Variants in KIF26B observed in about 807,000 individuals in gnomAD.
KIF26B encodes kinesin family member 26B.
A neutral mutation model predicts 151.2 loss-of-function variants in KIF26B; 63 were observed. That is an observed-to-expected ratio of 0.42 (90% CI 0.34 to 0.51). The LOEUF (loss-of-function observed/expected upper bound fraction) is 0.51. Among genes scored for constraint, KIF26B ranks in the 20% least tolerant of loss-of-function variants. The pLI, the probability that KIF26B is intolerant of heterozygous loss-of-function variation, is 0.07. For missense variants in KIF26B, 2,813 were observed against 2,913.6 expected (o/e 0.97, Z 0.79); for synonymous variants, 1,357 against 1,262.1 (o/e 1.08, Z -1.59).
At chr1:245,332,043 T>C (rs992844768) in intron 2 of KIF26B, among the ~76,000 whole-genome samples, 1 of 152,124 alleles carries the variant, frequency 6.6e-6, no homozygotes, top group African/African-American at 2.4e-5. Flanking sequence ...GGAGAATCAC[T>C]TGAATGCAGG....
chr1:245,222,199 G>A (rs938054280), intron 2 of KIF26B, among the ~76,000 whole-genome samples: 1 of 152,148 alleles, frequency 6.6e-6, no homozygotes, highest in Non-Finnish European at 1.5e-5. Context: ...GCACTTTGGG[G>A]GCTGAGGCAG....
Position 245,649,926 on chromosome 1 carries a change from C to T in KIF26B, c.2258+3646C>T, listed in dbSNP as rs562073606. 5.3e-5 allele frequency among the ~76,000 whole-genome samples: 8 copies of T among 152,336 alleles called. No homozygotes were observed. The East Asian group carries it at 9.6e-4, about 18-fold the overall frequency. On this transcript the variant is annotated intron_variant, in intron 10 of 14. Transcript: ENST00000407071. Reference sequence around the variant, plus strand: ...CATTCCCACAGGCACCCTCCATGTGCGCTGAATGCTTCTGACTTTGCAAAT... The same window carrying T: ...CATTCCCACAGGCACCCTCCATGTGTGCTGAATGCTTCTGACTTTGCAAAT...
intron 4 of KIF26B, among the ~76,000 whole-genome samples, chr1:245,510,458 T>C (rs1660807892): frequency 6.6e-6 from 1 of 152,208 alleles, no homozygotes; most frequent in South Asian, 2.1e-4. Context: ...ATTAAAGATT[T>C]TAAACACTTG....
chr1:245,438,148 T>C (rs77837740), intron 4 of KIF26B, among the ~76,000 whole-genome samples: 3,389 of 152,286 alleles, frequency 0.022, 103 homozygotes, highest in African/African-American at 0.068. Flanking sequence ...GCTGGTCTGT[T>C]GGATGAATTT....
intron 4 of KIF26B, among the ~76,000 whole-genome samples, chr1:245,454,273 C>T (rs1221078007): frequency 2.1e-4 from 32 of 152,150 alleles, no homozygotes; most frequent in East Asian, 5.8e-4. Context: ...GCTTCCTTCA[C>T]GTAATACAGC....
chr1:245,683,094 C>G (rs899732452), intron 10 of KIF26B, among the ~76,000 whole-genome samples: 1 of 152,216 alleles, frequency 6.6e-6, no homozygotes, highest in African/African-American at 2.4e-5. Flanking sequence ...ACCCCACAGT[C>G]TTCCCTCCCT....
rs1172829885 is a variant in KIF26B, at chr1:245,687,471, G to A, written c.4488G>A (p.Glu1496=). 6.3e-7 allele frequency: 1 copy of A among 1,586,290 alleles called. No homozygotes were observed. Among genetic ancestry groups the A allele is most frequent in the Admixed American group, 1.8e-5 (1 of 55,584 alleles). ...PGDRLSSSSG[E]VSASPVTDNF... ...ACAGGCTCAGCAGCAGCAGCGGAGAGGTGTCGGCCTCCCCGGTCACTGACA... is the reference window on the plus strand; with the variant it reads ...ACAGGCTCAGCAGCAGCAGCGGAGAAGTGTCGGCCTCCCCGGTCACTGACA... Residue 1496 remains glutamate, a synonymous_variant, in exon 12 of 15, where the codon GAG becomes GAA. Transcript: ENST00000407071. The surrounding 1 kb of genome is among the most constrained non-coding windows in gnomAD (Gnocchi z 4.9).
Position 245,687,809 on chromosome 1 carries a change from A to G in KIF26B, c.4826A>G (p.Lys1609Arg). ...PPVRKSSLDQ[K>R]NRASPQHSAS... ...GTCCGAAAGTCCAGCCTGGACCAGAAGAACCGGGCCAGCCCTCAGCACAGT... is the reference window on the plus strand; with the variant it reads ...GTCCGAAAGTCCAGCCTGGACCAGAGGAACCGGGCCAGCCCTCAGCACAGT... The change falls in exon 12 of 15, where the codon AAG becomes AGG. Residue 1609 changes from lysine (K) to arginine (R), a missense_variant. Coordinates refer to ENST00000407071, the MANE Select transcript of KIF26B (RefSeq NM_018012.4). This position sits in a 1 kb window ranked among gnomAD's most constrained non-coding sequence, Gnocchi z 4.9. 1.3e-6 allele frequency: 2 copies of G among 1,594,782 alleles called. No homozygotes were observed. The highest frequency in any genetic ancestry group is 1.7e-6 in the Non-Finnish European group (2 of 1,171,312).
chr1:245,656,264 G>A (rs1295441800), intron 10 of KIF26B, among the ~76,000 whole-genome samples: 1 of 152,150 alleles, frequency 6.6e-6, no homozygotes, highest in African/African-American at 2.4e-5. Flanking sequence ...ATGGCACAGA[G>A]CGGTGATTCT....
At chr1:245,551,867 C>T (rs2103109641) in intron 5 of KIF26B, among the ~76,000 whole-genome samples, 1 of 152,240 alleles carries the variant, frequency 6.6e-6, no homozygotes, top group Non-Finnish European at 1.5e-5. Flanking sequence ...AGGCTGGGTG[C>T]CCCCTCGTGT....
chr1:245,400,718 T>C (rs553885912), intron 3 of KIF26B, among the ~76,000 whole-genome samples: 14 of 152,310 alleles, frequency 9.2e-5, no homozygotes, highest in African/African-American at 3.4e-4. Flanking sequence ...GATTACATGT[T>C]GAAATGATAA....
At chr1:245,222,121 A>G (rs1669786199) in intron 2 of KIF26B, among the ~76,000 whole-genome samples, 3 of 152,144 alleles carry the variant, frequency 2.0e-5, no homozygotes, top group Non-Finnish European at 4.4e-5. Context: ...ATGCCAACTT[A>G]GTGACGGGGG....
At chr1:245,262,469 T>C (rs941193217) in intron 2 of KIF26B, among the ~76,000 whole-genome samples, 9 of 152,166 alleles carry the variant, frequency 5.9e-5, no homozygotes, top group Non-Finnish European at 7.3e-5. Context: ...TTATTTTTTT[T>C]TGAGATGGAG....
chr1:245,590,048 G>GT (rs2043269643), intron 5 of KIF26B, among the ~76,000 whole-genome samples: 1 of 151,950 alleles, frequency 6.6e-6, no homozygotes, highest in Admixed American at 6.6e-5. Flanking sequence ...AACGACAGTC[G>GT]TAACACATGA....
chr1:245,435,019 CTCTCCATCCACCCATT>C (rs748711927), intron 4 of KIF26B, among the ~76,000 whole-genome samples: 3 of 142,240 alleles, frequency 2.1e-5, no homozygotes, highest in South Asian at 2.3e-4. Flanking sequence ...ATCCATCCAT[CTCTCCATCCACCCATT>C]CATCCATCCA....
At chr1:245,493,056 G>C (rs1021797459) in intron 4 of KIF26B, among the ~76,000 whole-genome samples, 1 of 152,152 alleles carries the variant, frequency 6.6e-6, no homozygotes, top group African/African-American at 2.4e-5. Context: ...TGGGATTACA[G>C]GTGTGAACCA....
intron 5 of KIF26B, among the ~76,000 whole-genome samples, chr1:245,574,655 C>G (rs1233370453): frequency 6.6e-6 from 1 of 152,098 alleles, no homozygotes; most frequent in Non-Finnish European, 1.5e-5. Flanking sequence ...GACTGCTGCT[C>G]TTGCCTGAGT....
chr1:245,246,810 T>G (rs1670337904), intron 2 of KIF26B, among the ~76,000 whole-genome samples: 1 of 151,774 alleles, frequency 6.6e-6, no homozygotes, highest in Non-Finnish European at 1.5e-5. Flanking sequence ...ACTGGGTTCT[T>G]TGGAGACATT....
At chr1:245,268,348 T>C (rs897608633) in intron 2 of KIF26B, among the ~76,000 whole-genome samples, 1 of 151,746 alleles carries the variant, frequency 6.6e-6, no homozygotes, top group Non-Finnish European at 1.5e-5. Flanking sequence ...GGCACACGCC[T>C]GTAGTCCCAG....
Sources: allele counts gnomAD v4.1 joint callset (sites outside exome capture counted in the v4.1 genomes callset), GRCh38; gene constraint gnomAD v4.1.1; non-coding constraint Gnocchi (gnomAD v3.1); transcripts MANE v1.5; gene names NCBI Gene and HGNC (gene_info 2026-07-23, HGNC 2026-07-21).